The following USP34 variants were observed in gnomAD, a reference collection of about 807,000 sequenced individuals.
USP34 encodes ubiquitin specific peptidase 34, also known as ubiquitin carboxyl-terminal hydrolase 34.
In USP34, 70 loss-of-function variants were observed where a neutral mutation model predicts 460.3. The ratio of observed to expected loss-of-function variants is 0.15; its 90% CI spans 0.13 to 0.19. The LOEUF is 0.19. Among genes scored for constraint, USP34 ranks in the 10% least tolerant of loss-of-function variants. The pLI, the probability that USP34 is intolerant of heterozygous loss-of-function variation, is 1.00. For synonymous variants in USP34, 1,647 were observed against 1,405.3 expected (o/e 1.17, Z -3.85); for missense variants, 3,985 against 4,236.2 (o/e 0.94, Z 1.65).
At chr2:61,349,743 A>C (rs1691889052) in intron 12 of USP34, among the ~76,000 whole-genome samples, 1 of 152,092 alleles carries the variant, frequency 6.6e-6, no homozygotes, top group African/African-American at 2.4e-5. Context: ...CGGGAGGCTG[A>C]GGCAGGAGAA....
At position 61,280,252 on chromosome 2, in the gene USP34, C is replaced by T. The variant is rs200063629; in HGVS notation, c.5248G>A (p.Ala1750Thr). Residue 1750 changes from alanine (A) to threonine (T), a missense_variant, in exon 39 of 80, where the codon GCT (alanine) becomes ACT (threonine). By Grantham distance (58) the Ala-to-Thr change is moderately conservative (BLOSUM62 0). Coordinates refer to ENST00000398571, the MANE Select transcript of USP34 (RefSeq NM_014709.4). ...TAATTTTCTGAACATACCTGACTAG[C>T]GTCCTTTATATGTATGTTGTCAACT... ...KLVDNIHIKD[A>T]SQTTLLDLDA... is the part of the protein sequence containing the mutation. The T allele has an allele frequency of 8.3e-4, 1,269 of 1,535,126 alleles. 1 individual carries two copies. The highest frequency in any genetic ancestry group is 9.9e-4 in the Non-Finnish European group (1,129 of 1,138,664).
At chr2:61,467,239 G>A (rs1461563461) in intron 1 of USP34, among the ~76,000 whole-genome samples, 1 of 151,636 alleles carries the variant, frequency 6.6e-6, no homozygotes, top group African/African-American at 2.4e-5. Flanking sequence ...GGAGGCAGAG[G>A]TTGTAGTGAG....
chr2:61,441,006 T>C (rs926026159), intron 1 of USP34, among the ~76,000 whole-genome samples: 2 of 151,578 alleles, frequency 1.3e-5, no homozygotes, highest in African/African-American at 4.8e-5. Flanking sequence ...CAGGTGCCTG[T>C]AGTCCCAGCT....
intron 8 of USP34, among the ~76,000 whole-genome samples, chr2:61,374,991 C>T (rs576818919): frequency 6.6e-4 from 100 of 152,230 alleles, no homozygotes; most frequent in African/African-American, 1.0e-3. Flanking sequence ...CAGAATACCC[C>T]ATACGACAAC....
intron 3 of USP34, among the ~76,000 whole-genome samples, chr2:61,396,140 T>C (rs557131828): frequency 6.6e-6 from 1 of 152,156 alleles, no homozygotes; most frequent in African/African-American, 2.4e-5. Context: ...TTTTGAAAAG[T>C]TTCTCAACAA....
intron 18 of USP34, among the ~76,000 whole-genome samples, chr2:61,335,668 G>C (rs1038107698): frequency 2.0e-5 from 3 of 152,172 alleles, no homozygotes; most frequent in Non-Finnish European, 4.4e-5. Flanking sequence ...AGACTCGCTT[G>C]AGCCTGGGAG....
intron 75 of USP34, among the ~76,000 whole-genome samples, chr2:61,195,548 T>TG (rs1438545261): frequency 1.3e-5 from 2 of 151,992 alleles, no homozygotes; most frequent in African/African-American, 4.8e-5. Context: ...GGCACGCACC[T>TG]GTAATCCCAG....
At chr2:61,297,306 T>A (rs902842691) in intron 29 of USP34, among the ~76,000 whole-genome samples, 1 of 152,240 alleles carries the variant, frequency 6.6e-6, no homozygotes, top group Non-Finnish European at 1.5e-5. Flanking sequence ...GTGAATTAAA[T>A]CCTTGAACTT....
At position 61,431,343 on chromosome 2, in the gene USP34, C is replaced by A. The variant is rs569772069; in HGVS notation, c.44-10510G>T. On this transcript the variant is annotated intron_variant, in intron 1 of 79. Transcript: ENST00000398571. ...GCTCAAACAATCCACTTGCCTCAGCCTCCCAAGTAGCTGAGACTACAGGTG... is the reference window on the plus strand; with the variant it reads ...GCTCAAACAATCCACTTGCCTCAGCATCCCAAGTAGCTGAGACTACAGGTG... Among the ~76,000 whole-genome samples the A allele has an allele frequency of 3.6e-4, 55 of 152,278 alleles. No individual in the cohort carries two copies. In the Middle Eastern group the frequency reaches 0.017, roughly 47 times the overall value.
At chr2:61,265,591 C>G (rs754422775) in intron 42 of USP34, 34 bp from the exon 43 acceptor site, 2 of 1,569,676 alleles carry the variant, frequency 1.3e-6, no homozygotes, top group East Asian at 2.3e-5. Flanking sequence ...AGATCCCCCC[C>G]AAACAAACTA....
chr2:61,465,109 T>A (rs935261013), intron 1 of USP34, among the ~76,000 whole-genome samples: 1 of 152,208 alleles, frequency 6.6e-6, no homozygotes, highest in Non-Finnish European at 1.5e-5. Context: ...ATTGTTGGGA[T>A]TGGTTATTCT....
chr2:61,460,489 T>C (rs1463280014), intron 1 of USP34, among the ~76,000 whole-genome samples: 2 of 152,050 alleles, frequency 1.3e-5, no homozygotes, highest in Non-Finnish European at 2.9e-5. Flanking sequence ...GTAATTCAGA[T>C]ATGCCAAAGA....
chr2:61,350,244 A>G lies in USP34; in HGVS notation c.1507+16T>C. 1 of 1,584,228 alleles carries G rather than the reference A, an allele frequency of 6.3e-7. No homozygotes were observed. Among genetic ancestry groups the G allele is most frequent in the South Asian group, 1.2e-5 (1 of 86,690 alleles). ...AGCTCTCAACAATTTACTTCAAAAT[A>G]CATGACATTACTAACCTTTCTTATT... On this transcript the variant is annotated intron_variant, in intron 12 of 79. Coordinates refer to ENST00000398571, the MANE Select transcript of USP34 (RefSeq NM_014709.4).
intron 55 of USP34, 41 bp downstream of exon 55, chr2:61,236,120 T>A: frequency 6.3e-7 from 1 of 1,594,452 alleles, no homozygotes; most frequent in East Asian, 2.2e-5. Flanking sequence ...TTTAAAGTAG[T>A]AAATTTTGAC....
intron 2 of USP34, among the ~76,000 whole-genome samples, chr2:61,413,980 CGAGT>C (rs973960384): frequency 1.1e-4 from 16 of 150,654 alleles, no homozygotes; most frequent in African/African-American, 3.4e-4. Flanking sequence ...CAAAAGAGGC[CGAGT>C]GAGTGGCTCA....
chr2:61,446,704 G>T (rs558943437), intron 1 of USP34, among the ~76,000 whole-genome samples: 1 of 151,462 alleles, frequency 6.6e-6, no homozygotes, highest in Non-Finnish European at 1.5e-5. Flanking sequence ...GCTGAGGTGA[G>T]AGAATCCCTA....
chr2:61,310,983 G>A (rs1572922914), intron 27 of USP34, among the ~76,000 whole-genome samples: 1 of 152,026 alleles, frequency 6.6e-6, no homozygotes, highest in East Asian at 1.9e-4. Flanking sequence ...AGCATCTGAA[G>A]CAACTCTCAG....
chr2:61,368,300 C>T (rs1186312262), intron 10 of USP34, among the ~76,000 whole-genome samples: 2 of 152,078 alleles, frequency 1.3e-5, no homozygotes, highest in African/African-American at 2.4e-5. Context: ...GGCGTGGTGG[C>T]GCGTGCCTGT....
chr2:61,332,913 A>G (rs1691312854), intron 19 of USP34, among the ~76,000 whole-genome samples: 1 of 152,038 alleles, frequency 6.6e-6, no homozygotes, highest in Admixed American at 6.6e-5. Flanking sequence ...ACTTCATCTA[A>G]TCTGGAATTA....
Sources: allele counts gnomAD v4.1 joint callset (sites outside exome capture counted in the v4.1 genomes callset), GRCh38; gene constraint gnomAD v4.1.1; transcripts MANE v1.5; gene names NCBI Gene and HGNC (gene_info 2026-07-23, HGNC 2026-07-21).